Variants in ACBD6 observed in about 807,000 individuals in gnomAD.
ACBD6 encodes the protein acyl-CoA binding domain containing 6.
ACBD6 carries 28 observed loss-of-function variants against 37.2 expected under a neutral mutation model. The observed-to-expected ratio is 0.75, with a 90% CI of 0.56 to 1.03. The LOEUF is 1.03. Among genes scored for constraint, ACBD6 ranks in the 50% least tolerant of loss-of-function variants. The pLI, the probability that ACBD6 is intolerant of heterozygous loss-of-function variation, is 0.00. For synonymous variants in ACBD6, 113 were observed against 126.8 expected, an observed-to-expected ratio of 0.89 and a Z score of 0.73; for missense variants, 340 against 337.4, an observed-to-expected ratio of 1.01 and a Z score of -0.06.
chr1:180,281,904 C>T (rs918173243), intron 8 of ACBD6, among the ~76,000 whole-genome samples: 2 of 152,170 alleles, frequency 1.3e-5, no homozygotes, highest in African/African-American at 2.4e-5. Context: ...AGCTCCTGCC[C>T]GGGGAAGAGT....
intron 3 of ACBD6, among the ~76,000 whole-genome samples, chr1:180,457,861 C>G (rs1473196767): frequency 1.3e-5 from 2 of 150,200 alleles, no homozygotes; most frequent in African/African-American, 4.9e-5. Context: ...GGCACGATCT[C>G]AGCTCACTGC....
rs74132906 is a variant in ACBD6, at chr1:180,477,300, C to T, written c.384+14969G>A. Among the ~76,000 whole-genome samples, 1,014 of 152,184 alleles carry T rather than the reference C, an allele frequency of 6.7e-3. 17 individuals are homozygous for T. The highest frequency in any genetic ancestry group is 0.023 in the African/African-American group (968 of 41,526). On this transcript the variant is annotated intron_variant, in intron 3 of 7. Transcript: ENST00000367595. ...CAAAACTATAGATCAGGGAGGACTG[C>T]TATACATTTTTAAACCACAAACAGG...
chr1:180,353,896 T>G (rs958678311), intron 6 of ACBD6, among the ~76,000 whole-genome samples: 4 of 152,182 alleles, frequency 2.6e-5, no homozygotes, highest in Non-Finnish European at 5.9e-5. Context: ...TGTGAGTGTT[T>G]GAAAACATTT....
intron 3 of ACBD6, 42 bp from the exon 4 acceptor site, chr1:180,430,304 T>C (rs779622631): frequency 1.4e-6 from 2 of 1,469,094 alleles, no homozygotes; most frequent in East Asian, 2.3e-5. Context: ...GACAAATGGG[T>C]TAAAACAATA....
chr1:180,450,779 A>AC (rs1370080503), intron 3 of ACBD6, among the ~76,000 whole-genome samples: 9 of 152,078 alleles, frequency 5.9e-5, no homozygotes, highest in Non-Finnish European at 1.3e-4. Flanking sequence ...AAACAAACAA[A>AC]AAAAAACTTC....
chr1:180,420,697 T>C (rs1648323316), intron 4 of ACBD6, among the ~76,000 whole-genome samples: 1 of 152,186 alleles, frequency 6.6e-6, no homozygotes, highest in African/African-American at 2.4e-5. Flanking sequence ...AAAGAATCAA[T>C]GGAACCAATC....
At chr1:180,386,124 T>C (rs1278588828) in intron 6 of ACBD6, among the ~76,000 whole-genome samples, 1 of 152,094 alleles carries the variant, frequency 6.6e-6, no homozygotes, top group Non-Finnish European at 1.5e-5. Flanking sequence ...GAGCCAAGAT[T>C]GCACCACTGC....
At position 180,395,294 on chromosome 1, in the gene ACBD6, A is replaced by G. The variant is rs546053949; in HGVS notation, c.663+2222T>C. 1.1e-4 allele frequency among the ~76,000 whole-genome samples: 17 copies of G among 152,234 alleles called. No individual in the cohort carries two copies. The South Asian group carries it at 3.3e-3, about 30-fold the overall frequency. ...GCGTTTGAAGTGTCTGAGGGATATC[A>G]AAGAAGAGATATGTGTGTCTGGAGC... On this transcript the variant is annotated intron_variant, in intron 6 of 7. Transcript: ENST00000367595.
At chr1:180,465,596 A>C (rs1454796334) in intron 3 of ACBD6, among the ~76,000 whole-genome samples, 2 of 152,168 alleles carry the variant, frequency 1.3e-5, no homozygotes, top group African/African-American at 4.8e-5. Flanking sequence ...TGAGGAAAGC[A>C]GGATGGCAAT....
intron 3 of ACBD6, among the ~76,000 whole-genome samples, chr1:180,466,617 T>C (rs998073041): frequency 2.0e-5 from 3 of 152,214 alleles, no homozygotes; most frequent in Admixed American, 6.5e-5. Context: ...ATTTGTTTTA[T>C]TATTAAAACA....
intron 7 of ACBD6, among the ~76,000 whole-genome samples, chr1:180,308,155 C>T (rs1456738569): frequency 1.3e-5 from 2 of 152,038 alleles, no homozygotes; most frequent in East Asian, 1.9e-4. Flanking sequence ...TTTTAATTTA[C>T]ATAAGTTCTA....
At chr1:180,486,337 A>G (rs531675900) in intron 3 of ACBD6, among the ~76,000 whole-genome samples, 2 of 152,242 alleles carry the variant, frequency 1.3e-5, no homozygotes, top group South Asian at 2.1e-4. Context: ...AAAAAAATCA[A>G]TGCAAACCAA....
chr1:180,431,980 T>G (rs1571502706), intron 3 of ACBD6, among the ~76,000 whole-genome samples: 1 of 151,976 alleles, frequency 6.6e-6, no homozygotes, highest in African/African-American at 2.4e-5. Context: ...CTGAGGCAGG[T>G]GGATCTCTTG....
At chr1:180,326,432 C>T (rs924934043) in intron 6 of ACBD6, 5 of 152,078 alleles carry the variant, frequency 3.3e-5, no homozygotes, top group African/African-American at 1.2e-4. Context: ...GTGGGCTCCC[C>T]TCTGGCCCAC....
intron 3 of ACBD6, among the ~76,000 whole-genome samples, chr1:180,490,961 T>TAAA (rs67650274): frequency 1.4e-4 from 13 of 93,838 alleles, no homozygotes; most frequent in African/African-American, 3.6e-4. Flanking sequence ...CTGTCTCATA[T>TAAA]AAAAAAAAAA....
At chr1:180,458,426 A>C (rs1650004474) in intron 3 of ACBD6, among the ~76,000 whole-genome samples, 1 of 152,246 alleles carries the variant, frequency 6.6e-6, no homozygotes, top group South Asian at 2.1e-4. Context: ...GACATTCAGT[A>C]TAACCAGGAA....
In ACBD6 at chr1:180,344,039, T is replaced by C. The variant is rs140088280; in HGVS notation, c.664-29317A>G. Among the ~76,000 whole-genome samples, 652 of 152,286 alleles carry C rather than the reference T, an allele frequency of 4.3e-3. 4 individuals are homozygous for C. Among genetic ancestry groups the C allele is most frequent in the African/African-American group, 0.015 (604 of 41,554 alleles). ...ACCATATTAGACACATTGTGACCAG[T>C]TGGCTCTGTATAGAAGAAGAATTCT... On this transcript the variant is annotated intron_variant, in intron 6 of 7. Transcript: ENST00000367595.
intron 3 of ACBD6, among the ~76,000 whole-genome samples, chr1:180,467,303 T>A (rs1650383817): frequency 6.6e-6 from 1 of 151,544 alleles, no homozygotes; most frequent in African/African-American, 2.4e-5. Context: ...AAATTTAATC[T>A]TATAGAAGTA....
intron 6 of ACBD6, among the ~76,000 whole-genome samples, chr1:180,388,436 T>C (rs2101937994): frequency 6.6e-6 from 1 of 152,302 alleles, no homozygotes; most frequent in Non-Finnish European, 1.5e-5. Context: ...TTTCAGAGAA[T>C]AAAGGAGTAT....
Sources: allele counts gnomAD v4.1 joint callset (sites outside exome capture counted in the v4.1 genomes callset), GRCh38; gene constraint gnomAD v4.1.1; transcripts MANE v1.5; gene names NCBI Gene and HGNC (gene_info 2026-07-23, HGNC 2026-07-21).